Variants in CDH20 observed in about 807,000 individuals in gnomAD.
CDH20 encodes the protein cadherin 20.
A neutral mutation model predicts 74.2 loss-of-function variants in CDH20; 29 were observed. The observed-to-expected ratio is 0.39, with a 90% CI of 0.29 to 0.53. The LOEUF (loss-of-function observed/expected upper bound fraction) is 0.53. Among genes scored for constraint, CDH20 ranks in the 20% least tolerant of loss-of-function variants. The pLI, the probability that CDH20 is intolerant of heterozygous loss-of-function variation, is 0.69. For synonymous variants in CDH20, 469 were observed against 405.4 expected (o/e 1.16, Z -1.88); for missense variants, 988 against 1,048.3 (o/e 0.94, Z 0.79).
intron 1 of CDH20, among the ~76,000 whole-genome samples, chr18:61,472,053 G>A (rs1242357985): frequency 6.6e-6 from 1 of 152,064 alleles, no homozygotes. Context: ...GTCCTGTGCT[G>A]TTTGATTCCG....
intron 9 of CDH20, among the ~76,000 whole-genome samples, chr18:61,544,609 C>G (rs1271164413): frequency 6.6e-6 from 1 of 152,204 alleles, no homozygotes; most frequent in African/African-American, 2.4e-5. Context: ...CCGGGCTGAA[C>G]TTCCCTTGGC....
At chr18:61,337,217 A>C (rs888309391) in intron 1 of CDH20, among the ~76,000 whole-genome samples, 1 of 152,192 alleles carries the variant, frequency 6.6e-6, no homozygotes. Flanking sequence ...CCCCAAAGGC[A>C]TACCCCCAGA....
intron 1 of CDH20, chr18:61,404,819 A>G: frequency 3.1e-6 from 1 of 324,334 alleles, no homozygotes; most frequent in Non-Finnish European, 5.6e-6. Flanking sequence ...TTTTTTAACA[A>G]GCACTGGCAA....
intron 10 of CDH20, 118 bp downstream of exon 10, chr18:61,545,262 G>T: frequency 1.0e-5 from 7 of 691,680 alleles, no homozygotes; most frequent in Non-Finnish European, 1.3e-5. Context: ...CAGGGAGGAT[G>T]TTAATAATTC....
intron 1 of CDH20, among the ~76,000 whole-genome samples, chr18:61,392,034 CTT>C (rs1021459466): frequency 1.3e-5 from 2 of 152,082 alleles, no homozygotes; most frequent in African/African-American, 4.8e-5. Flanking sequence ...CTAGCCGAAT[CTT>C]TTGCCCCTCA....
At chr18:61,382,089 T>A (rs1053095322) in intron 1 of CDH20, among the ~76,000 whole-genome samples, 1 of 152,206 alleles carries the variant, frequency 6.6e-6, no homozygotes, top group Non-Finnish European at 1.5e-5. Flanking sequence ...ACTGAAACGA[T>A]GCCTTGCTGA....
At chr18:61,462,755 G>T (rs1233293729) in intron 1 of CDH20, among the ~76,000 whole-genome samples, 3 of 150,812 alleles carry the variant, frequency 2.0e-5, no homozygotes, top group Non-Finnish European at 4.4e-5. Flanking sequence ...CATGTCAATG[G>T]TGGCAGCACC....
In CDH20 at chr18:61,490,865, A is replaced by C. The variant is rs1910937332; in HGVS notation, c.246+66A>C. ...TGAAATTGAATATGAATTGAGTATC[A>C]AAGTTGACCTAGCCTTTATCTGAGA... On this transcript the variant is annotated intron_variant, in intron 2 of 11. Transcript: ENST00000262717. The C allele has an allele frequency of 6.5e-6, 10 of 1,541,098 alleles. No individual in the cohort carries two copies. In the South Asian group the frequency reaches 1.1e-4, roughly 18 times the overall value.
intron 1 of CDH20, among the ~76,000 whole-genome samples, chr18:61,366,825 CAT>C (rs1306345371): frequency 6.6e-6 from 1 of 151,952 alleles, no homozygotes; most frequent in East Asian, 1.9e-4. Context: ...TCTCTTCCTG[CAT>C]AGTTATATTT....
At chr18:61,398,263 T>C (rs1912049479) in intron 1 of CDH20, among the ~76,000 whole-genome samples, 1 of 152,268 alleles carries the variant, frequency 6.6e-6, no homozygotes, top group South Asian at 2.1e-4. Flanking sequence ...TTTATAGTTT[T>C]ATCTGCTTTG....
At chr18:61,450,026 C>T (rs1909328578) in intron 1 of CDH20, among the ~76,000 whole-genome samples, 1 of 152,018 alleles carries the variant, frequency 6.6e-6, no homozygotes, top group South Asian at 2.1e-4. Context: ...TTAGTAAACG[C>T]AATCCCCGCA....
At chr18:61,436,690 G>T (rs1908851996) in intron 1 of CDH20, among the ~76,000 whole-genome samples, 2 of 152,104 alleles carry the variant, frequency 1.3e-5, no homozygotes, top group South Asian at 4.1e-4. Flanking sequence ...TGTGGCATTA[G>T]GTAGAAACTA....
intron 11 of CDH20, among the ~76,000 whole-genome samples, chr18:61,551,192 C>T (rs1439359512): frequency 6.6e-6 from 1 of 152,176 alleles, no homozygotes; most frequent in African/African-American, 2.4e-5. Flanking sequence ...AATAAAAACA[C>T]CTAAACCAAC....
chr18:61,413,898 C>T (rs1912596953), intron 1 of CDH20, among the ~76,000 whole-genome samples: 1 of 152,048 alleles, frequency 6.6e-6, no homozygotes, highest in Non-Finnish European at 1.5e-5. Context: ...GTGCAAATTC[C>T]ATATAACTTA....
chr18:61,451,903 A>G (rs903249060), intron 1 of CDH20, among the ~76,000 whole-genome samples: 1 of 152,136 alleles, frequency 6.6e-6, no homozygotes, highest in East Asian at 1.9e-4. Flanking sequence ...TACCACATGC[A>G]CTGAATTCTA....
intron 1 of CDH20, among the ~76,000 whole-genome samples, chr18:61,414,353 C>T (rs1277348343): frequency 6.6e-6 from 1 of 152,140 alleles, no homozygotes; most frequent in Non-Finnish European, 1.5e-5. Context: ...AAAACTAATT[C>T]ATCTCAGCCA....
chr18:61,387,401 G>A (rs1300751049), intron 1 of CDH20, among the ~76,000 whole-genome samples: 1 of 152,132 alleles, frequency 6.6e-6, no homozygotes, highest in Non-Finnish European at 1.5e-5. Flanking sequence ...AATCTGTCAA[G>A]GCAACATGGT....
chr18:61,392,495 C>T (rs1162883140), intron 1 of CDH20, among the ~76,000 whole-genome samples: 1 of 152,164 alleles, frequency 6.6e-6, no homozygotes, highest in Admixed American at 6.6e-5. Flanking sequence ...GCTGTAGTCT[C>T]ACAGCTCTCT....
intron 4 of CDH20, among the ~76,000 whole-genome samples, chr18:61,500,981 T>C (rs1331286026): frequency 6.6e-6 from 1 of 152,240 alleles, no homozygotes; most frequent in Non-Finnish European, 1.5e-5. Flanking sequence ...AAAGTTCATC[T>C]AGTGTAGAGA....
Sources: gnomAD v4.1 joint callset for allele counts (sites outside exome capture counted in the v4.1 genomes callset) on GRCh38, gnomAD v4.1.1 for gene constraint, MANE v1.5 for transcripts, NCBI Gene and HGNC (gene_info 2026-07-23, HGNC 2026-07-21) for gene names.